The following CISD1 variants were observed in gnomAD, a reference collection of about 807,000 sequenced individuals.
CISD1 encodes CDGSH iron-sulfur domain-containing protein 1.
In CISD1, 8 loss-of-function variants were observed where a neutral mutation model predicts 12.0. That is an observed-to-expected ratio of 0.67 (90% CI 0.39 to 1.20). The LOEUF is 1.20. Among genes scored for constraint, CISD1 ranks in the 50% most tolerant of loss-of-function variants. CISD1 has a pLI of 0.01. For missense variants in CISD1, 107 were observed against 132.7 expected (o/e 0.81, Z 0.95); for synonymous variants, 38 against 42.2 (o/e 0.90, Z 0.39).
At position 58,287,694 on chromosome 10, in the gene CISD1, CT is replaced by C; in HGVS notation, c.*45del. 7.6e-7 allele frequency: 1 copy of C among 1,315,718 alleles called. No individual in the cohort carries two copies. The highest frequency in any genetic ancestry group is 1.1e-6 in the Non-Finnish European group (1 of 931,818). The allele number at this position is 1,315,718 out of a possible 1,614,324, so 81.5% of individuals were successfully genotyped here. A position where few individuals can be genotyped will look rare whatever the true frequency, so the allele number is the denominator to read the frequency against. On this transcript the variant is annotated 3_prime_UTR_variant, in exon 3 of 3. Transcript: ENST00000333926. The stretch of plus-strand genomic sequence containing the variant: ...GCAAATCAGCTTGTCGTGAAGTTAC[CT>C]GATTGTTTAATTAGAATGACTACCA...
In CISD1 at chr10:58,287,643, A is replaced by G. The variant is rs773418639; in HGVS notation, c.320A>G (p.Glu107Gly). The G allele has an allele frequency of 4.4e-6, 7 of 1,605,094 alleles. No homozygotes were observed. The African/African-American group carries it at 8.0e-5, about 18-fold the overall frequency. Residue 107 changes from glutamate (E) to glycine (G), a missense_variant, in exon 3 of 3, where the codon GAA (glutamate) becomes GGA (glycine). Coordinates refer to ENST00000333926, the MANE Select transcript of CISD1 (RefSeq NM_018464.5). ...GGCCCTCTGATCATCAAGAAAAAAG[A>G]AACTTAAATGGACACTTTTGATGCT... ...NVGPLIIKKKET is the reference protein window; with the variant it reads ...NVGPLIIKKKGT
intron 2 of CISD1, among the ~76,000 whole-genome samples, chr10:58,279,107 A>C (rs1178548962): frequency 6.6e-6 from 1 of 152,232 alleles, no homozygotes; most frequent in Non-Finnish European, 1.5e-5. Flanking sequence ...AACCACAGAT[A>C]GTCCACATGT....
At chr10:58,286,168 G>C (rs1839426621) in intron 2 of CISD1, among the ~76,000 whole-genome samples, 1 of 148,992 alleles carries the variant, frequency 6.7e-6, no homozygotes, top group Admixed American at 6.7e-5. Context: ...TCGCGCCACT[G>C]CATTCCAGCC....
intron 2 of CISD1, among the ~76,000 whole-genome samples, chr10:58,286,648 T>A (rs954502161): frequency 2.0e-5 from 3 of 152,210 alleles, no homozygotes; most frequent in African/African-American, 7.2e-5. Flanking sequence ...ATTCAGGTTC[T>A]TTGGACCACA....
intron 1 of CISD1, among the ~76,000 whole-genome samples, chr10:58,272,676 T>C (rs1839262470): frequency 6.6e-6 from 1 of 152,150 alleles, no homozygotes; most frequent in African/African-American, 2.4e-5. Context: ...CTCAGCACTT[T>C]GGGAGGCCAA....
intron 1 of CISD1, among the ~76,000 whole-genome samples, chr10:58,270,622 A>G (rs1564545056): frequency 6.6e-6 from 1 of 152,182 alleles, no homozygotes; most frequent in Non-Finnish European, 1.5e-5. Context: ...ACTAAACTCT[A>G]TTTAGGTTGC....
In CISD1 at chr10:58,287,849, A is replaced by C. The variant is rs970062088; in HGVS notation, c.*199A>C. Reference sequence around the variant, plus strand: ...TGTTTAAACAAAAAAAAAAAAAAAAAGGAAAAACCAACCTGCATGGCCTGT... The same window carrying C: ...TGTTTAAACAAAAAAAAAAAAAAAACGGAAAAACCAACCTGCATGGCCTGT... On this transcript the variant is annotated 3_prime_UTR_variant, in exon 3 of 3. Coordinates refer to ENST00000333926, the MANE Select transcript of CISD1 (RefSeq NM_018464.5). The C allele has an allele frequency of 9.3e-6, 2 of 215,370 alleles. No homozygotes were observed. The highest frequency in any genetic ancestry group is 1.5e-5 in the Non-Finnish European group (2 of 134,510). 13.3% of individuals were successfully genotyped at this position (215,370 alleles called of 1,614,324 possible). A position where few individuals can be genotyped will look rare whatever the true frequency, so the allele number is the denominator to read the frequency against.
intron 2 of CISD1, among the ~76,000 whole-genome samples, chr10:58,280,065 T>C (rs954932968): frequency 3.3e-5 from 5 of 152,036 alleles, no homozygotes; most frequent in Non-Finnish European, 5.9e-5. Flanking sequence ...CTGAGAAAAA[T>C]TGGTAACATT....
Position 58,269,255 on chromosome 10 carries a change from C to G in CISD1, c.-19C>G. The G allele has an allele frequency of 6.2e-7, 1 of 1,607,606 alleles. No homozygotes were observed. Among genetic ancestry groups the G allele is most frequent in the Non-Finnish European group, 8.5e-7 (1 of 1,179,690 alleles). ...TGAGCTCGGTATCCTAGTGCACACG[C>G]CTTGCAAGCGACGGCGCCATGAGTC... On this transcript the variant is annotated 5_prime_UTR_variant, in exon 1 of 3. Coordinates refer to ENST00000333926, the MANE Select transcript of CISD1 (RefSeq NM_018464.5).
At chr10:58,275,156 A>C (rs779938517) in intron 1 of CISD1, among the ~76,000 whole-genome samples, 9 of 152,180 alleles carry the variant, frequency 5.9e-5, no homozygotes, top group Non-Finnish European at 1.2e-4. Flanking sequence ...GCCCCCCTTT[A>C]AGTTTGTACT....
At chr10:58,270,441 T>C (rs1015157025) in intron 1 of CISD1, among the ~76,000 whole-genome samples, 1 of 152,250 alleles carries the variant, frequency 6.6e-6, no homozygotes, top group South Asian at 2.1e-4. Context: ...TTTTTGTTTT[T>C]GTTTTTTAAA....
At chr10:58,278,918 G>A (rs1358366561) in intron 2 of CISD1, among the ~76,000 whole-genome samples, 4 of 152,230 alleles carry the variant, frequency 2.6e-5, no homozygotes, top group Admixed American at 2.6e-4. Flanking sequence ...AGCTGCTGAT[G>A]TAGGTATTCT....
At chr10:58,273,396 C>T (rs766008059) in intron 1 of CISD1, 6 of 152,158 alleles carry the variant, frequency 3.9e-5, no homozygotes, top group East Asian at 1.9e-4. Context: ...TCCCCTCCCC[C>T]TCTCCTCATA....
chr10:58,271,123 TC>T (rs1839243316), intron 1 of CISD1, among the ~76,000 whole-genome samples: 1 of 146,986 alleles, frequency 6.8e-6, no homozygotes, highest in Admixed American at 6.8e-5. Flanking sequence ...CACTGCAAGC[TC>T]CGCCTCCCGG....
chr10:58,278,902 C>G (rs942176013), intron 2 of CISD1, among the ~76,000 whole-genome samples: 3 of 152,058 alleles, frequency 2.0e-5, no homozygotes, highest in African/African-American at 7.2e-5. Flanking sequence ...AAAAAAAGGC[C>G]CCCCCAGCTG....
chr10:58,269,682 A>T (rs574649206), intron 1 of CISD1, among the ~76,000 whole-genome samples: 6 of 152,220 alleles, frequency 3.9e-5, no homozygotes, highest in Admixed American at 3.9e-4. Context: ...TGCCCTTCTC[A>T]TGTTTCAGTC....
chr10:58,286,333 G>A (rs1839429830), intron 2 of CISD1, among the ~76,000 whole-genome samples: 1 of 152,082 alleles, frequency 6.6e-6, no homozygotes, highest in Non-Finnish European at 1.5e-5. Context: ...CTATAAATAG[G>A]TGCTTTTACA....
At chr10:58,270,371 A>C (rs1839231488) in intron 1 of CISD1, among the ~76,000 whole-genome samples, 1 of 152,212 alleles carries the variant, frequency 6.6e-6, no homozygotes, top group Non-Finnish European at 1.5e-5. Flanking sequence ...ATATTAAAGG[A>C]TACTCATCTT....
At chr10:58,285,803 A>G (rs1052469412) in intron 2 of CISD1, among the ~76,000 whole-genome samples, 1 of 152,206 alleles carries the variant, frequency 6.6e-6, no homozygotes, top group Non-Finnish European at 1.5e-5. Flanking sequence ...TGACAGAAAT[A>G]ATCTTACCAG....
Sources: gnomAD v4.1 joint callset for allele counts (sites outside exome capture counted in the v4.1 genomes callset) on GRCh38, gnomAD v4.1.1 for gene constraint, MANE v1.5 for transcripts, NCBI Gene and HGNC (gene_info 2026-07-23, HGNC 2026-07-21) for gene names.